ANXA1: variants seen among roughly 807,000 people sequenced by gnomAD.
ANXA1 encodes annexin A1.
A neutral mutation model predicts 47.9 loss-of-function variants in ANXA1; 39 were observed. The ratio of observed to expected loss-of-function variants is 0.81; its 90% confidence interval spans 0.63 to 1.06. The LOEUF is 1.06. ANXA1 is among the 50% of genes least tolerant of loss of function. ANXA1 has a pLI of 0.00. For missense variants in ANXA1, 446 were observed against 422.7 expected (o/e 1.06, Z -0.48); for synonymous variants, 146 against 142.5 (o/e 1.02, Z -0.17).
intron 1 of ANXA1, among the ~76,000 whole-genome samples, chr9:73,156,684 AAC>A (rs1286063867): frequency 6.6e-6 from 1 of 152,186 alleles, no homozygotes; most frequent in African/African-American, 2.4e-5. Flanking sequence ...AGTTTGTCTG[AAC>A]ATGCTGTTGA....
intron 1 of ANXA1, among the ~76,000 whole-genome samples, chr9:73,152,424 A>G (rs1408351957): frequency 6.6e-6 from 1 of 152,230 alleles, no homozygotes; most frequent in Admixed American, 6.5e-5. Flanking sequence ...GGAAAACAAG[A>G]TAGATTCAGA....
At chr9:73,159,598 T>G (rs1824105323) in intron 4 of ANXA1, 175 bp downstream of exon 4, 1 of 509,036 alleles carries the variant, frequency 2.0e-6, no homozygotes, top group South Asian at 2.8e-5. Context: ...TTTTATCAAA[T>G]TTCCTATTTT....
At chr9:73,157,745 A>G (rs1824072106) in intron 1 of ANXA1, 1 of 151,688 alleles carries the variant, frequency 6.6e-6, no homozygotes, top group South Asian at 2.1e-4. Context: ...TAGATGGTCT[A>G]ATGGTCTACT....
intron 10 of ANXA1, among the ~76,000 whole-genome samples, chr9:73,166,552 G>C (rs184927167): frequency 6.6e-6 from 1 of 152,212 alleles, no homozygotes; most frequent in East Asian, 1.9e-4. Flanking sequence ...TCAAGTCCTG[G>C]TCTACTGCTT....
Position 73,160,307 on chromosome 9 carries a change from G to A in ANXA1, c.315G>A (p.Glu105=), listed in dbSNP as rs1473048497. Residue 105 remains glutamate, a synonymous_variant, in exon 5 of 13, where the codon GAG becomes GAA. Transcript: ENST00000257497. ...AGAAAGCCCTTACAGGTCACCTTGA[G>A]GAGGTTGTTTTAGCTCTGCTAAAAA... ...TLKKALTGHL[E]EVVLALLKTP... 2 of 1,586,034 alleles carry A rather than the reference G, an allele frequency of 1.3e-6. No homozygotes were observed. Among genetic ancestry groups the A allele is most frequent in the South Asian group, 1.2e-5 (1 of 86,366 alleles).
intron 11 of ANXA1, 123 bp from the exon 12 acceptor site, chr9:73,168,909 G>GTGTGTGTGTGTGTGTGTA: frequency 1.3e-6 from 1 of 752,126 alleles, no homozygotes; most frequent in Non-Finnish European, 2.2e-6. Context: ...GTGTGTGTGT[G>GTGTGTGTGTGTGTGTGTA]TGTATAGCTA....
At chr9:73,168,050 A>T (rs1824261634) in intron 11 of ANXA1, 1 of 154,484 alleles carries the variant, frequency 6.5e-6, no homozygotes, top group Non-Finnish European at 1.4e-5. Context: ...ACTGTCTGAC[A>T]TGCATGGTAT....
intron 1 of ANXA1, among the ~76,000 whole-genome samples, chr9:73,155,491 A>T (rs1016049835): frequency 6.6e-6 from 1 of 152,320 alleles, no homozygotes; most frequent in Non-Finnish European, 1.5e-5. Context: ...TATATAAAAA[A>T]ATATATATTT....
chr9:73,162,271 T>G (rs1824155425), intron 6 of ANXA1, among the ~76,000 whole-genome samples: 2 of 152,204 alleles, frequency 1.3e-5, no homozygotes, highest in South Asian at 4.1e-4. Context: ...AATTATAAAT[T>G]CAATTATTTT....
chr9:73,166,247 C>G lies in ANXA1; in HGVS notation c.802+55C>G, dbSNP rs1052548656. The G allele has an allele frequency of 7.2e-6, 9 of 1,249,840 alleles. No individual in the cohort carries two copies. In the African/African-American group the frequency reaches 1.1e-4, roughly 15 times the overall value. The allele number at this position is 1,249,840 out of a possible 1,614,324, so 77.4% of individuals were successfully genotyped here. ...CTAACTAGAAATTGTATTTTCAAAG[C>G]TATCCTATACTTAACAAGAACAACA... On this transcript the variant is annotated intron_variant, in intron 10 of 12. Transcript: ENST00000257497.
intron 11 of ANXA1, chr9:73,168,478 T>C (rs573510329): frequency 6.6e-6 from 1 of 152,208 alleles, no homozygotes; most frequent in African/African-American, 2.4e-5. Flanking sequence ...GTGGAAGAGA[T>C]GGGGATAAAG....
Position 73,169,111 on chromosome 9 carries a change from T to G in ANXA1, c.941T>G (p.Phe314Cys), listed in dbSNP as rs1246006408. Residue 314 changes from phenylalanine to cysteine, a missense_variant, in exon 12 of 13, where the codon TTC becomes TGC. Phe to Cys is a radical substitution (Grantham distance 205, BLOSUM62 -2). Coordinates refer to ENST00000257497, the MANE Select transcript of ANXA1 (RefSeq NM_000700.3). ...ATTGACATGAATGATATCAAAGCAT[T>G]CTATCAGAAGATGTATGGTATCTCC... is the stretch of plus-strand genomic sequence containing the variant. Reference protein sequence around the residue: ...SEIDMNDIKAFYQKMYGISLC... With the variant: ...SEIDMNDIKACYQKMYGISLC... 1.1e-5 allele frequency: 17 copies of G among 1,613,278 alleles called. No individual in the cohort carries two copies. The highest frequency in any genetic ancestry group is 1.4e-5 in the Non-Finnish European group (17 of 1,179,510).
At chr9:73,159,991 T>C (rs1824111045) in intron 4 of ANXA1, 1 of 244,864 alleles carries the variant, frequency 4.1e-6, no homozygotes, top group South Asian at 1.5e-4. Context: ...TTTTGATCTT[T>C]GTGATTTCTC....
chr9:73,167,643 C>A, intron 11 of ANXA1, 88 bp downstream of exon 11: 1 of 1,156,104 alleles, frequency 8.6e-7, no homozygotes, highest in Non-Finnish European at 1.3e-6. Flanking sequence ...GAAAATCTCA[C>A]ATTTAATATC....
intron 1 of ANXA1, among the ~76,000 whole-genome samples, chr9:73,156,135 TA>T (rs1399186262): frequency 6.9e-6 from 1 of 143,988 alleles, no homozygotes; most frequent in African/African-American, 2.6e-5. Flanking sequence ...AAATAAATAA[TA>T]ATAATAAATA....
Position 73,167,569 on chromosome 9 carries a change from T to C in ANXA1, c.861+14T>C. On this transcript the variant is annotated intron_variant, in intron 11 of 12. Transcript: ENST00000257497. ...CAAGCCATGAAAGTATGTACCATTC[T>C]ACTTATATGTCCTGCTTAGAGGAAG... The C allele has an allele frequency of 6.2e-7, 1 of 1,610,808 alleles. No homozygotes were observed. Among genetic ancestry groups the C allele is most frequent in the Non-Finnish European group, 8.5e-7 (1 of 1,178,124 alleles).
At chr9:73,169,852 A>G (rs1824293700) in intron 12 of ANXA1, among the ~76,000 whole-genome samples, 199 bp from the exon 13 acceptor site, 1 of 152,152 alleles carries the variant, frequency 6.6e-6, no homozygotes, top group Non-Finnish European at 1.5e-5. Flanking sequence ...AAAAGTTTGT[A>G]ATCTCAGTCT....
chr9:73,166,068 A>T, intron 9 of ANXA1, 29 bp from the exon 10 acceptor site: 1 of 1,520,008 alleles, frequency 6.6e-7, no homozygotes, highest in Non-Finnish European at 9.0e-7. Context: ...GATGTTTTGC[A>T]TGTATCTTAG....
intron 9 of ANXA1, chr9:73,165,457 C>T (rs1824211666): frequency 3.1e-6 from 1 of 317,804 alleles, no homozygotes; most frequent in East Asian, 6.1e-5. Flanking sequence ...ACTGCTTTTA[C>T]TCCCCTAAAA....
Sources: allele counts gnomAD v4.1 joint callset (sites outside exome capture counted in the v4.1 genomes callset), GRCh38; gene constraint gnomAD v4.1.1; transcripts MANE v1.5; gene names NCBI Gene and HGNC (gene_info 2026-07-23, HGNC 2026-07-21).